The following CHD2 variants were observed in gnomAD, a reference collection of about 807,000 sequenced individuals.
The protein encoded by CHD2 is chromodomain helicase DNA binding protein 2, also known as ATP-dependent chromatin remodeler CHD2.
In CHD2, 28 loss-of-function variants were observed where a neutral mutation model predicts 243.9. That is an observed-to-expected ratio of 0.11 (90% CI 0.09 to 0.16). The LOEUF (loss-of-function observed/expected upper bound fraction) is 0.16. CHD2 is among the 10% of genes least tolerant of loss of function. CHD2 has a pLI of 1.00. For synonymous variants in CHD2, 775 were observed against 779.0 expected, an observed-to-expected ratio of 0.99 and a Z score of 0.09; for missense variants, 1,386 against 2,209.8, an observed-to-expected ratio of 0.63 and a Z score of 7.47.
At chr15:92,944,130 C>T in intron 9 of CHD2, 1 of 193,400 alleles carries the variant, frequency 5.2e-6, no homozygotes, top group Non-Finnish European at 1.1e-5. Flanking sequence ...GAATCTATCA[C>T]ATAAAAGAGT....
At chr15:92,962,160 G>A (rs11634204) in intron 16 of CHD2, among the ~76,000 whole-genome samples, 26,089 of 151,752 alleles carry the variant, frequency 0.17, 2,995 homozygotes, top group Non-Finnish European at 0.25. Flanking sequence ...GATTGCAGGC[G>A]TGAGCCCCCG....
intron 5 of CHD2, among the ~76,000 whole-genome samples, chr15:92,934,009 A>G (rs778501501): frequency 1.3e-5 from 2 of 152,072 alleles, no homozygotes; most frequent in Non-Finnish European, 2.9e-5. Flanking sequence ...TTTTTTTTTC[A>G]AAAGCATGCT....
intron 12 of CHD2, chr15:92,947,124 G>T (rs2053482590): frequency 6.6e-6 from 1 of 152,184 alleles, no homozygotes; most frequent in African/African-American, 2.4e-5. Flanking sequence ...ATACGTCTCT[G>T]AGAAGTTGAC....
intron 14 of CHD2, 118 bp downstream of exon 14, chr15:92,953,691 G>A: frequency 1.1e-6 from 1 of 893,992 alleles, no homozygotes; most frequent in Non-Finnish European, 1.7e-6. Context: ...ATACTGTGCT[G>A]TGTTCTCAAT....
At chr15:92,940,336 TC>T (rs1948647008) in intron 7 of CHD2, among the ~76,000 whole-genome samples, 1 of 152,036 alleles carries the variant, frequency 6.6e-6, no homozygotes, top group Admixed American at 6.6e-5. Context: ...GCACCTGCAG[TC>T]CCAGCTACTT....
At chr15:92,988,080 C>T (rs1208397641) in intron 26 of CHD2, among the ~76,000 whole-genome samples, 2 of 144,762 alleles carry the variant, frequency 1.4e-5, no homozygotes, top group East Asian at 4.0e-4. Flanking sequence ...AGTTAGTTGT[C>T]TCTTTTTTTT....
rs1348799661 is a variant in CHD2 at position 93,006,766 on chromosome 15, A to C, written c.4413+2015A>C. ...CCTACGTAGCCTCCCACATATAAAC[A>C]ACATAGAGGATTGATTTCCATGTCT... On this transcript the variant is annotated intron_variant, in intron 34 of 38. Transcript: ENST00000394196. Among the ~76,000 whole-genome samples the C allele has an allele frequency of 3.9e-5, 6 of 152,314 alleles. No homozygotes were observed. In the South Asian group the frequency reaches 1.2e-3, roughly 32 times the overall value.
chr15:92,944,370 C>T (rs768231880), intron 9 of CHD2, 45 bp from the exon 10 acceptor site: 5 of 1,153,460 alleles, frequency 4.3e-6, no homozygotes, highest in South Asian at 2.6e-5. Flanking sequence ...TGTGGATCCC[C>T]AGACTTTAGT....
intron 5 of CHD2, among the ~76,000 whole-genome samples, chr15:92,936,065 G>A (rs1488379491): frequency 6.6e-6 from 1 of 152,138 alleles, no homozygotes; most frequent in Non-Finnish European, 1.5e-5. Context: ...GAAACACGCA[G>A]TGCTAGTAGA....
chr15:92,956,491 G>A lies in CHD2; in HGVS notation c.1842G>A (p.Leu614=). Reference sequence around the variant, plus strand: ...TGGGCAGTATTAACTGGGCCTTTCTGGGAGTGGATGAAGCCCATCGGTTGA... The same window carrying A: ...TGGGCAGTATTAACTGGGCCTTTCTAGGAGTGGATGAAGCCCATCGGTTGA... The part of the protein sequence containing the change: ...TVLGSINWAF[L]GVDEAHRLKN... Residue 614 remains leucine, a synonymous_variant, in exon 16 of 39, where the codon CTG becomes CTA. Transcript: ENST00000394196. 1 of 1,613,918 alleles carries A rather than the reference G, an allele frequency of 6.2e-7. No homozygotes were observed. The highest frequency in any genetic ancestry group is 8.5e-7 in the Non-Finnish European group (1 of 1,179,884).
intron 24 of CHD2, 128 bp downstream of exon 24, chr15:92,981,585 ATTG>A: frequency 1.5e-6 from 1 of 662,346 alleles, no homozygotes; most frequent in East Asian, 2.8e-5. Context: ...TATCCTCAAT[ATTG>A]TTCTCTGAAT....
At chr15:93,010,642 T>C (rs1234060256) in intron 35 of CHD2, among the ~76,000 whole-genome samples, 1 of 152,188 alleles carries the variant, frequency 6.6e-6, no homozygotes, top group East Asian at 1.9e-4. Flanking sequence ...CAGGCTGGTC[T>C]CGAGCTCCTG....
chr15:92,981,515 G>GT, intron 24 of CHD2, 58 bp downstream of exon 24: 1 of 1,325,358 alleles, frequency 7.5e-7, no homozygotes, highest in Non-Finnish European at 1.1e-6. Flanking sequence ...GATGACTAAT[G>GT]TTTATGAACG....
chr15:92,916,242 C>A (rs1303389702), intron 2 of CHD2, among the ~76,000 whole-genome samples: 1 of 152,140 alleles, frequency 6.6e-6, no homozygotes, highest in East Asian at 1.9e-4. Context: ...CACATACCAT[C>A]AGGACCTCCT....
At chr15:93,000,328 A>G (rs1183249705) in intron 31 of CHD2, among the ~76,000 whole-genome samples, 184 bp from the exon 32 acceptor site, 4 of 152,104 alleles carry the variant, frequency 2.6e-5, no homozygotes, top group African/African-American at 9.7e-5. Flanking sequence ...TATAAGGCCT[A>G]TAGGTTTTTA....
intron 2 of CHD2, among the ~76,000 whole-genome samples, chr15:92,913,474 G>A (rs138128606): frequency 1.3e-5 from 2 of 152,278 alleles, no homozygotes; most frequent in African/African-American, 4.8e-5. Context: ...CCTCTAGTGG[G>A]TAGAGGCCAG....
Position 92,901,279 on chromosome 15 carries a change from G to C in CHD2, c.42G>C (p.Ser14=). ...NKDKSQEEDS[S]LHSNASSHSA... ...ACAAAAGCCAAGAGGAGGACAGTTC[G>C]CTACACAGCAATGCATCGAGGTATG... The change falls in exon 2 of 39, where the codon TCG becomes TCC. Residue 14 remains serine (S), a synonymous_variant. Transcript: ENST00000394196. 1 of 1,607,844 alleles carries C rather than the reference G, an allele frequency of 6.2e-7. No homozygotes were observed.
At chr15:93,024,257 T>C in intron 38 of CHD2, 115 bp from the exon 39 acceptor site, 1 of 874,400 alleles carries the variant, frequency 1.1e-6, no homozygotes, top group Non-Finnish European at 1.8e-6. Context: ...TTCCTAATAA[T>C]GTGAGCATTT....
intron 24 of CHD2, 143 bp downstream of exon 24, chr15:92,981,600 G>C: frequency 1.6e-6 from 1 of 631,164 alleles, no homozygotes; most frequent in Non-Finnish European, 2.7e-6. Context: ...TCTCTGAATT[G>C]TGAGTATGTT....
Sources: gnomAD v4.1 joint callset for allele counts (sites outside exome capture counted in the v4.1 genomes callset) on GRCh38, gnomAD v4.1.1 for gene constraint, MANE v1.5 for transcripts, NCBI Gene and HGNC (gene_info 2026-07-23, HGNC 2026-07-21) for gene names.